Variants in ARHGEF10 observed in about 807,000 individuals in gnomAD.
ARHGEF10 encodes the protein Rho guanine nucleotide exchange factor (GEF) 10.
In ARHGEF10, 140 loss-of-function variants were observed where a neutral mutation model predicts 147.4. That is an observed-to-expected ratio of 0.95 (90% CI 0.83 to 1.09). The LOEUF is 1.09. Among genes scored for constraint, ARHGEF10 ranks in the 50% least tolerant of loss-of-function variants. The pLI, the probability that ARHGEF10 is intolerant of heterozygous loss-of-function variation, is 0.00. For missense variants in ARHGEF10, 2,222 were observed against 1,752.7 expected (o/e 1.27, Z -4.78); for synonymous variants, 902 against 695.8 (o/e 1.30, Z -4.67).
chr8:1,846,396 CATT>C (rs1804564980), intron 2 of ARHGEF10, among the ~76,000 whole-genome samples: 1 of 152,212 alleles, frequency 6.6e-6, no homozygotes, highest in African/African-American at 2.4e-5. Context: ...TAATTTCCCC[CATT>C]ATTAAGTCAA....
rs760422013 is a variant in ARHGEF10 at position 1,866,588 on chromosome 8, C to A, written c.608C>A (p.Thr203Lys). ...LARWAADPAN[T>K]AWMENPEEAI... ...CGCTGGGCCGCAGACCCGGCCAACA[C>A]AGCCTGGATGGAGAGTAAGTTCCCC... Residue 203 changes from threonine (T) to lysine (K), a missense_variant, in exon 6 of 29, where the codon ACA becomes AAA. Transcript: ENST00000349830. The A allele has an allele frequency of 6.2e-7, 1 of 1,606,196 alleles. No homozygotes were observed. The highest frequency in any genetic ancestry group is 8.5e-7 in the Non-Finnish European group (1 of 1,179,978).
At chr8:1,881,732 C>T (rs1464052469) in intron 9 of ARHGEF10, among the ~76,000 whole-genome samples, 2 of 152,196 alleles carry the variant, frequency 1.3e-5, no homozygotes, top group Non-Finnish European at 2.9e-5. Context: ...GCTACAGCGA[C>T]GCTGTCTGCA....
intron 7 of ARHGEF10, among the ~76,000 whole-genome samples, chr8:1,874,782 G>C (rs919836564): frequency 6.7e-6 from 1 of 148,892 alleles, no homozygotes; most frequent in African/African-American, 2.6e-5. Context: ...ACACCAGGGC[G>C]TGTAGGGGGT....
chr8:1,871,857 A>G (rs1807157886), intron 7 of ARHGEF10, among the ~76,000 whole-genome samples: 1 of 152,202 alleles, frequency 6.6e-6, no homozygotes, highest in Non-Finnish European at 1.5e-5. Flanking sequence ...CAGTGAACTG[A>G]GTATCCAGCC....
chr8:1,944,423 C>T (rs775646266), intron 26 of ARHGEF10, among the ~76,000 whole-genome samples: 62 of 152,332 alleles, frequency 4.1e-4, no homozygotes, highest in East Asian at 9.7e-4. Context: ...GATCTCCCAT[C>T]CACTGAAGTC....
At chr8:1,952,904 TA>T in intron 28 of ARHGEF10, 77 bp downstream of exon 28, 1 of 1,592,298 alleles carries the variant, frequency 6.3e-7, no homozygotes, top group African/African-American at 1.3e-5. Context: ...TAGTGTGATT[TA>T]ACATCCTAGG....
At chr8:1,832,873 GACAGAGAGACAGAGGCAGAC>G (rs1803276322) in intron 1 of ARHGEF10, among the ~76,000 whole-genome samples, 1 of 120,092 alleles carries the variant, frequency 8.3e-6, no homozygotes, top group African/African-American at 3.4e-5. Context: ...CAGAGGCAGA[GACAGAGAGACAGAGGCAGAC>G]GCAGAGACAG....
At chr8:1,844,397 T>TCCAGGGGTCCCTGGGGCCTGCTGGAC (rs1394589806) in intron 2 of ARHGEF10, among the ~76,000 whole-genome samples, 3 of 21,786 alleles carry the variant, frequency 1.4e-4, no homozygotes, top group Non-Finnish European at 2.8e-4. Flanking sequence ...GCCTGGTAGA[T>TCCAGGGGTCCCTGGGGCCTGCTGGAC]GACAGAGACG....
intron 2 of ARHGEF10, among the ~76,000 whole-genome samples, chr8:1,847,487 T>C (rs564088706): frequency 1.3e-5 from 2 of 152,340 alleles, no homozygotes; most frequent in African/African-American, 2.4e-5. Context: ...GGCATGTTAA[T>C]GTTGGTTCAC....
intron 8 of ARHGEF10, among the ~76,000 whole-genome samples, chr8:1,879,070 G>A (rs746847359): frequency 1.3e-5 from 2 of 152,178 alleles, no homozygotes; most frequent in African/African-American, 4.8e-5. Context: ...TTTTAAAAAC[G>A]ACCAAAATAA....
chr8:1,857,156 T>A (rs1019639153), intron 2 of ARHGEF10, among the ~76,000 whole-genome samples: 33 of 152,212 alleles, frequency 2.2e-4, no homozygotes, highest in African/African-American at 8.0e-4. Context: ...TTTTAAGCTA[T>A]ATATCGGTGT....
intron 2 of ARHGEF10, among the ~76,000 whole-genome samples, chr8:1,852,454 G>A (rs1374820285): frequency 1.7e-5 from 1 of 59,142 alleles, no homozygotes; most frequent in African/African-American, 7.6e-5. Context: ...TGTCCTGAGG[G>A]CCCTCTAGAA....
At chr8:1,915,338 A>G (rs1563278904) in intron 18 of ARHGEF10, among the ~76,000 whole-genome samples, 1 of 152,264 alleles carries the variant, frequency 6.6e-6, no homozygotes, top group Non-Finnish European at 1.5e-5. Flanking sequence ...GGCAGTGGGT[A>G]AAAATGTGTC....
chr8:1,876,380 C>T lies in ARHGEF10; in HGVS notation c.680-191C>T, dbSNP rs1330257334. On this transcript the variant is annotated intron_variant, in intron 7 of 28. Coordinates refer to ENST00000349830, the MANE Select transcript of ARHGEF10 (RefSeq NM_014629.4). Reference sequence around the variant, plus strand: ...AGTGCTTTTCCCCAGCCTCCCCGGCCCTGCCCGGGTGGTGGAGGCGCTGCA... The same window carrying T: ...AGTGCTTTTCCCCAGCCTCCCCGGCTCTGCCCGGGTGGTGGAGGCGCTGCA... The T allele has an allele frequency of 4.7e-5, 30 of 641,516 alleles. No homozygotes were observed. In the East Asian group the frequency reaches 6.6e-4, roughly 14 times the overall value. The allele number at this position is 641,516 out of a possible 1,614,324, so 39.7% of individuals were successfully genotyped here.
intron 25 of ARHGEF10, among the ~76,000 whole-genome samples, chr8:1,930,775 C>A (rs1214471480): frequency 8.5e-5 from 13 of 152,250 alleles, no homozygotes; most frequent in Admixed American, 8.5e-4. Context: ...CCGTGTGGTT[C>A]CGGCCTGGCC....
chr8:1,857,946 G>C lies in ARHGEF10; in HGVS notation c.38-14G>C, dbSNP rs369775414. ...TCTATCTCTCCTTGATGTGGTTTTG[G>C]TTTTTCTTTTTAGAAAATGAAATGA... is the stretch of plus-strand genomic sequence containing the variant. On this transcript the variant is annotated splice_polypyrimidine_tract_variant and intron_variant, in intron 2 of 28. Coordinates refer to ENST00000349830, the MANE Select transcript of ARHGEF10 (RefSeq NM_014629.4). 6.2e-7 allele frequency: 1 copy of C among 1,607,294 alleles called. No homozygotes were observed. Among genetic ancestry groups the C allele is most frequent in the African/African-American group, 1.3e-5 (1 of 74,552 alleles).
chr8:1,829,122 C>T (rs1802939761), intron 1 of ARHGEF10, among the ~76,000 whole-genome samples: 1 of 152,250 alleles, frequency 6.6e-6, no homozygotes, highest in Non-Finnish European at 1.5e-5. Flanking sequence ...CCGAGCGCTC[C>T]CCGCCTGCAC....
intron 4 of ARHGEF10, among the ~76,000 whole-genome samples, chr8:1,863,457 A>C (rs1806319266): frequency 6.6e-6 from 1 of 152,184 alleles, no homozygotes; most frequent in Non-Finnish European, 1.5e-5. Flanking sequence ...TCCAAAGATA[A>C]ATTCCCTTTA....
At chr8:1,887,006 C>G (rs1808719146) in intron 11 of ARHGEF10, among the ~76,000 whole-genome samples, 1 of 152,184 alleles carries the variant, frequency 6.6e-6, no homozygotes, top group Admixed American at 6.5e-5. Context: ...TCACTTCATG[C>G]TCAGGAGTTA....
Sources: gnomAD v4.1 joint callset for allele counts (sites outside exome capture counted in the v4.1 genomes callset) on GRCh38, gnomAD v4.1.1 for gene constraint, MANE v1.5 for transcripts, NCBI Gene and HGNC (gene_info 2026-07-23, HGNC 2026-07-21) for gene names.